The following NME9 variants were observed in gnomAD, a reference collection of about 807,000 sequenced individuals.
The protein encoded by NME9 is thioredoxin domain-containing protein 6.
In NME9, 48 loss-of-function variants were observed where a neutral mutation model predicts 44.4. The observed-to-expected ratio is 1.08, with a 90% confidence interval of 0.86 to 1.37. NME9 has a LOEUF of 1.37. Among genes scored for constraint, NME9 ranks in the 40% most tolerant of loss-of-function variants. The pLI, the probability that NME9 is intolerant of heterozygous loss-of-function variation, is 0.00. For missense variants in NME9, 325 were observed against 405.2 expected, an observed-to-expected ratio of 0.80 and a Z score of 1.70; for synonymous variants, 139 against 147.1, an observed-to-expected ratio of 0.94 and a Z score of 0.40.
At chr3:138,287,218 G>C (rs143970458) in intron 8 of NME9, among the ~76,000 whole-genome samples, 1 of 152,324 alleles carries the variant, frequency 6.6e-6, no homozygotes, top group East Asian at 1.9e-4. Context: ...ATGAAATCCA[G>C]AGTCCTTACT....
chr3:138,316,893 G>A (rs1462984491), intron 4 of NME9, among the ~76,000 whole-genome samples: 1 of 152,180 alleles, frequency 6.6e-6, no homozygotes, highest in Non-Finnish European at 1.5e-5. Flanking sequence ...GGGATTACAG[G>A]TGTGAGCCAC....
At chr3:138,295,761 C>CT in intron 8 of NME9, 2 of 1,417,848 alleles carry the variant, frequency 1.4e-6, no homozygotes, top group African/African-American at 2.8e-5. Flanking sequence ...TGGAGATTTA[C>CT]TTTTTTAGAC....
intron 8 of NME9, chr3:138,295,916 G>A (rs375338245): frequency 6.8e-6 from 11 of 1,612,228 alleles, no homozygotes; most frequent in East Asian, 2.2e-5. Context: ...GGGCACCTGC[G>A]AGCATCCCAC....
At chr3:138,299,280 C>A (rs965993701), downstream of NME9, among the ~76,000 whole-genome samples, 1 of 152,110 alleles carries the variant, frequency 6.6e-6, no homozygotes, top group Non-Finnish European at 1.5e-5. Context: ...TCTCTGCAGC[C>A]CCTGGCTCCT....
Position 138,315,117 on chromosome 3 carries a change from GC to G in NME9, c.384+409del, listed in dbSNP as rs1164148893. ...CTTAATTTCTAGGTTAAAGAAATGA[GC>G]CCTCTGAGTTCACAAGTAAAACCTT... On this transcript the variant is annotated intron_variant, in intron 5 of 10. Transcript: ENST00000333911. Among the ~76,000 whole-genome samples the G allele has an allele frequency of 1.1e-4, 16 of 152,264 alleles. 1 individual carries two copies. The South Asian group carries it at 3.1e-3, about 30-fold the overall frequency.
In NME9 at chr3:138,328,496, A is replaced by G. The variant is rs201217021; in HGVS notation, c.33+807T>C. ...GAGAGAAACCAGATGTCTCAAAACC[A>G]CTAATGCTCTATTATCTAGGAGGCG... On this transcript the variant is annotated intron_variant, in intron 1 of 10. Transcript: ENST00000333911. Among the ~76,000 whole-genome samples the G allele has an allele frequency of 9.9e-5, 15 of 152,084 alleles. No homozygotes were observed. In the East Asian group the frequency reaches 2.7e-3, roughly 27 times the overall value.
chr3:138,263,041 G>A (rs565749436), intron 8 of NME9, among the ~76,000 whole-genome samples: 12 of 152,236 alleles, frequency 7.9e-5, no homozygotes, highest in Admixed American at 2.0e-4. Context: ...GTTAATATTT[G>A]TGTTGTGATG....
intron 8 of NME9, chr3:138,289,150 A>G (rs1251550013): frequency 3.2e-6 from 5 of 1,562,560 alleles, no homozygotes; most frequent in East Asian, 2.2e-5. Flanking sequence ...TGTTTTGAAA[A>G]AAATTATGGG....
At chr3:138,265,853 C>T (rs2048229469) in intron 8 of NME9, among the ~76,000 whole-genome samples, 1 of 151,998 alleles carries the variant, frequency 6.6e-6, no homozygotes, top group East Asian at 1.9e-4. Flanking sequence ...CATCTAGTGA[C>T]AGAGTATATG....
At chr3:138,273,300 C>T (rs2048956134) in intron 8 of NME9, among the ~76,000 whole-genome samples, 1 of 152,202 alleles carries the variant, frequency 6.6e-6, no homozygotes, top group African/African-American at 2.4e-5. Flanking sequence ...GGAGCTGCTT[C>T]ACCATATCAC....
chr3:138,273,104 C>G lies in NME9; in HGVS notation c.746-10518G>C, dbSNP rs774698014. The G allele has an allele frequency of 1.7e-5, 28 of 1,606,528 alleles. No homozygotes were observed. The African/African-American group carries it at 2.4e-4, about 14-fold the overall frequency. On this transcript the variant is annotated intron_variant, in intron 8 of 8. Coordinates refer to the NME9 transcript ENST00000317876. ...CATTGGGACTTCTTAGAAATCTCCT[C>G]TCCACTCGTCCTGTAAGTAAAATCA...
At chr3:138,270,279 C>A in intron 8 of NME9, 1 of 606,648 alleles carries the variant, frequency 1.6e-6, no homozygotes, top group Non-Finnish European at 2.8e-6. Flanking sequence ...TGACTAGGAC[C>A]TAGAAGGCTT....
At chr3:138,321,473 C>T (rs1196743817) in intron 2 of NME9, among the ~76,000 whole-genome samples, 6 of 152,162 alleles carry the variant, frequency 3.9e-5, no homozygotes, top group Non-Finnish European at 8.8e-5. Context: ...TTTTAAAGGC[C>T]CCACCTCTTA....
intron 8 of NME9, among the ~76,000 whole-genome samples, chr3:138,290,062 A>G (rs2050794474): frequency 6.6e-6 from 1 of 152,218 alleles, no homozygotes; most frequent in South Asian, 2.1e-4. Flanking sequence ...GAACAGAATG[A>G]TATGAAATTG....
At chr3:138,325,747 T>C (rs1233085138) in intron 1 of NME9, among the ~76,000 whole-genome samples, 1 of 151,690 alleles carries the variant, frequency 6.6e-6, no homozygotes, top group Non-Finnish European at 1.5e-5. Context: ...TACTTTGAAA[T>C]AATTTCAAAC....
At chr3:138,320,391 A>G in intron 2 of NME9, among the ~76,000 whole-genome samples, 1 of 152,230 alleles carries the variant, frequency 6.6e-6, no homozygotes, top group East Asian at 1.9e-4. Flanking sequence ...CCCAGAGTTC[A>G]TGCCTGTTCC....
At chr3:138,262,922 A>G (rs907558880) in intron 8 of NME9, among the ~76,000 whole-genome samples, 45 of 152,214 alleles carry the variant, frequency 3.0e-4, no homozygotes, top group African/African-American at 1.0e-3. Flanking sequence ...ATTACAGGAA[A>G]GCTCTGTATT....
At chr3:138,308,585 A>G (rs1357446384) in intron 6 of NME9, among the ~76,000 whole-genome samples, 1 of 152,236 alleles carries the variant, frequency 6.6e-6, no homozygotes, top group Non-Finnish European at 1.5e-5. Flanking sequence ...AGAGGTGAAA[A>G]AAGAAGCTTG....
intron 8 of NME9, among the ~76,000 whole-genome samples, chr3:138,292,980 A>G (rs1442568638): frequency 6.6e-6 from 1 of 152,088 alleles, no homozygotes; most frequent in Non-Finnish European, 1.5e-5. Context: ...TATCCTTCAA[A>G]ACTCATATCA....
Sources: gnomAD v4.1 joint callset for allele counts (sites outside exome capture counted in the v4.1 genomes callset) on GRCh38, gnomAD v4.1.1 for gene constraint, MANE v1.5 for transcripts, NCBI Gene and HGNC (gene_info 2026-07-23, HGNC 2026-07-21) for gene names.